The following ZC3H18 variants were observed in gnomAD, a reference collection of about 807,000 sequenced individuals.
ZC3H18 encodes the protein zinc finger CCCH-type containing 18.
In ZC3H18, 8 loss-of-function variants were observed where a neutral mutation model predicts 106.1. That is an observed-to-expected ratio of 0.08 (90% CI 0.04 to 0.14). The LOEUF (loss-of-function observed/expected upper bound fraction) is 0.14. Among genes scored for constraint, ZC3H18 ranks in the 10% least tolerant of loss-of-function variants. The pLI, the probability that ZC3H18 is intolerant of heterozygous loss-of-function variation, is 1.00. For missense variants in ZC3H18, 1,318 were observed against 1,278.4 expected (o/e 1.03, Z -0.47); for synonymous variants, 635 against 522.1 (o/e 1.22, Z -2.95).
At chr16:88,578,822 C>G (rs918494991) in intron 2 of ZC3H18, among the ~76,000 whole-genome samples, 2 of 152,182 alleles carry the variant, frequency 1.3e-5, no homozygotes, top group African/African-American at 4.8e-5. Flanking sequence ...TCCTGAGTAG[C>G]TGGGATTACA....
chr16:88,624,380 G>T (rs999989774), intron 11 of ZC3H18: 1 of 733,634 alleles, frequency 1.4e-6, no homozygotes. Context: ...TGTAGCTCTT[G>T]CCTGTTAGAG....
chr16:88,572,041 C>T (rs146726049), intron 1 of ZC3H18, among the ~76,000 whole-genome samples: 181 of 152,264 alleles, frequency 1.2e-3, no homozygotes, highest in African/African-American at 4.3e-3. Context: ...CAATAGTCAC[C>T]CTCCAGGTTT....
rs1157546088 is a variant in ZC3H18 at position 88,627,056 on chromosome 16, C to G, written c.2109-566C>G. ...TCCTGTTTCCCTTCCCAAAAAGCAA[C>G]CTGACATTCGTTTTGTTTTTTGTTT... On this transcript the variant is annotated intron_variant, in intron 13 of 17. Coordinates refer to ENST00000301011, the MANE Select transcript of ZC3H18 (RefSeq NM_144604.4). This position sits in a 1 kb window ranked among gnomAD's most constrained non-coding sequence, Gnocchi z 4.5. 1 of 152,520 alleles carries G rather than the reference C, an allele frequency of 6.6e-6. No homozygotes were observed. The highest frequency in any genetic ancestry group is 1.5e-5 in the Non-Finnish European group (1 of 68,296). The allele number at this position is 152,520 out of a possible 1,614,324, so 9.4% of individuals were successfully genotyped here.
chr16:88,580,355 G>T (rs1211800683), intron 2 of ZC3H18, among the ~76,000 whole-genome samples: 1 of 152,114 alleles, frequency 6.6e-6, no homozygotes, highest in African/African-American at 2.4e-5. Flanking sequence ...CTTGCCCGGG[G>T]CACATTGAAG....
At chr16:88,613,575 AT>A (rs1335481126) in intron 8 of ZC3H18, among the ~76,000 whole-genome samples, 2 of 151,820 alleles carry the variant, frequency 1.3e-5, no homozygotes, top group Non-Finnish European at 2.9e-5. Flanking sequence ...TGCGATTTGT[AT>A]TTCTCTGATG....
At chr16:88,588,698 T>C (rs1915574750) in intron 3 of ZC3H18, among the ~76,000 whole-genome samples, 1 of 152,104 alleles carries the variant, frequency 6.6e-6, no homozygotes. Context: ...CTGGGCAACA[T>C]AGTGAGACCT....
At chr16:88,624,814 C>T in intron 12 of ZC3H18, 69 bp downstream of exon 12, 2 of 1,512,276 alleles carry the variant, frequency 1.3e-6, no homozygotes, top group Admixed American at 2.3e-5. Context: ...GCTGGCACTG[C>T]TGGAAATCCA....
At chr16:88,608,872 T>C in intron 6 of ZC3H18, 62 bp from the exon 7 acceptor site, 1 of 1,350,684 alleles carries the variant, frequency 7.4e-7, no homozygotes, top group South Asian at 1.2e-5. Context: ...TAATGTTTCG[T>C]GTGGTCTTTT....
intron 2 of ZC3H18, among the ~76,000 whole-genome samples, chr16:88,581,662 C>G (rs998671664): frequency 5.3e-5 from 8 of 152,212 alleles, no homozygotes; most frequent in Admixed American, 2.0e-4. Flanking sequence ...CTTACCTGTT[C>G]AGGAAGCGGC....
intron 11 of ZC3H18, 153 bp downstream of exon 11, chr16:88,624,215 A>G: frequency 1.9e-6 from 2 of 1,038,588 alleles, no homozygotes; most frequent in Non-Finnish European, 2.7e-6. Context: ...GCTGGGAGGC[A>G]CTGGGCACAG....
chr16:88,584,374 A>G (rs574511470), intron 2 of ZC3H18, among the ~76,000 whole-genome samples: 39 of 151,902 alleles, frequency 2.6e-4, no homozygotes, highest in Admixed American at 7.2e-4. Flanking sequence ...GTGAACCGAG[A>G]TCGTGCCACT....
chr16:88,623,029 G>A, intron 9 of ZC3H18, 190 bp from the exon 10 acceptor site: 1 of 735,278 alleles, frequency 1.4e-6, no homozygotes, highest in Non-Finnish European at 2.2e-6. Flanking sequence ...AGGAGGGATG[G>A]CACTGAAGAG....
chr16:88,623,071 G>C, intron 9 of ZC3H18, 148 bp from the exon 10 acceptor site: 1 of 1,129,046 alleles, frequency 8.9e-7, no homozygotes, highest in Admixed American at 2.4e-5. Context: ...GTCTGTGCGC[G>C]CGTCTGCAGC....
At chr16:88,571,613 G>T (rs1209679357) in intron 1 of ZC3H18, 1 of 985,318 alleles carries the variant, frequency 1.0e-6, no homozygotes, top group Admixed American at 6.2e-5. Context: ...TCCCGTTGTA[G>T]GTGGGACATG....
intron 1 of ZC3H18, chr16:88,571,489 G>C: frequency 2.5e-6 from 1 of 404,440 alleles, no homozygotes; most frequent in Non-Finnish European, 3.3e-6. Flanking sequence ...GCTGAATCCC[G>C]CTTCCCAGCT....
chr16:88,571,604 C>T (rs889892423), intron 1 of ZC3H18: 4 of 985,270 alleles, frequency 4.1e-6, no homozygotes, highest in Non-Finnish European at 3.6e-6. Context: ...AAACTCCTCT[C>T]CCGTTGTAGG....
chr16:88,571,406 C>T (rs1914398589), intron 1 of ZC3H18, among the ~76,000 whole-genome samples: 1 of 152,324 alleles, frequency 6.6e-6, no homozygotes, highest in Non-Finnish European at 1.5e-5. Flanking sequence ...TTAGACTCAC[C>T]TCCAGCCTGT....
chr16:88,571,656 C>G, intron 1 of ZC3H18: 3 of 985,428 alleles, frequency 3.0e-6, no homozygotes, highest in Non-Finnish European at 3.6e-6. Flanking sequence ...TGTGGAGTCA[C>G]TCCAGAAAGC....
At chr16:88,624,342 C>T in intron 11 of ZC3H18, 1 of 656,934 alleles carries the variant, frequency 1.5e-6, no homozygotes, top group Non-Finnish European at 2.6e-6. Context: ...TTCCTATTAG[C>T]CTGCTCTCCC....
Sources: allele counts gnomAD v4.1 joint callset (sites outside exome capture counted in the v4.1 genomes callset), GRCh38; gene constraint gnomAD v4.1.1; non-coding constraint Gnocchi (gnomAD v3.1); transcripts MANE v1.5; gene names NCBI Gene and HGNC (gene_info 2026-07-23, HGNC 2026-07-21).